Variants in TENM3 observed in about 807,000 individuals in gnomAD.
TENM3 encodes the protein teneurin-3.
In TENM3, 63 loss-of-function variants were observed where a neutral mutation model predicts 255.1. The ratio of observed to expected loss-of-function variants is 0.25; its 90% confidence interval spans 0.20 to 0.30. The LOEUF is 0.30. TENM3 is among the 10% of genes least tolerant of loss of function. The pLI, the probability that TENM3 is intolerant of heterozygous loss-of-function variation, is 1.00. For synonymous variants in TENM3, 1,306 were observed against 1,322.3 expected, an observed-to-expected ratio of 0.99 and a Z score of 0.27; for missense variants, 2,929 against 3,461.1, an observed-to-expected ratio of 0.85 and a Z score of 3.86.
intron 1 of TENM3, among the ~76,000 whole-genome samples, chr4:182,256,994 C>CA (rs1208205339): frequency 2.7e-5 from 4 of 150,772 alleles, no homozygotes; most frequent in Non-Finnish European, 4.4e-5. Context: ...GAATTGGTGT[C>CA]AAAAAAAAGG....
intron 6 of TENM3, among the ~76,000 whole-genome samples, chr4:182,657,486 C>T (rs538382496): frequency 6.6e-6 from 1 of 152,124 alleles, no homozygotes; most frequent in Non-Finnish European, 1.5e-5. Context: ...TGCGGGGGTC[C>T]TCTTGATCCC....
chr4:182,729,612 G>T (rs535951482), intron 14 of TENM3, among the ~76,000 whole-genome samples: 2 of 152,100 alleles, frequency 1.3e-5, no homozygotes, highest in Non-Finnish European at 2.9e-5. Context: ...TGTTTGACTG[G>T]TGCTTTGCAG....
chr4:182,614,114 G>T (rs766215878), intron 4 of TENM3, among the ~76,000 whole-genome samples: 2 of 152,076 alleles, frequency 1.3e-5, no homozygotes, highest in African/African-American at 2.4e-5. Flanking sequence ...AAAGTACATA[G>T]TTTACATTGT....
At chr4:182,662,362 GA>G (rs1225498586) in intron 6 of TENM3, among the ~76,000 whole-genome samples, 2 of 152,092 alleles carry the variant, frequency 1.3e-5, no homozygotes, top group Admixed American at 1.3e-4. Flanking sequence ...AGGACACGTT[GA>G]AAAAAACCTT....
At chr4:182,581,903 A>G (rs1366205530) in intron 3 of TENM3, among the ~76,000 whole-genome samples, 1 of 152,180 alleles carries the variant, frequency 6.6e-6, no homozygotes, top group Non-Finnish European at 1.5e-5. Flanking sequence ...AGATTTTTTT[A>G]ACCTCACATA....
chr4:182,161,400 A>T (rs1276812722), intron 1 of TENM3, among the ~76,000 whole-genome samples: 1 of 102,294 alleles, frequency 9.8e-6, no homozygotes, highest in Non-Finnish European at 1.9e-5. Context: ...TGGGCGACAG[A>T]GCGAGACTCC....
At chr4:181,464,327 T>C in the TENM3 span, among the ~76,000 whole-genome samples, 1 of 152,208 alleles carries the variant, frequency 6.6e-6, no homozygotes, top group Non-Finnish European at 1.5e-5. Flanking sequence ...TTGTCTGTCC[T>C]TTTTATTTTA....
chr4:182,585,510 C>G (rs1032990878), intron 3 of TENM3, among the ~76,000 whole-genome samples: 1 of 152,158 alleles, frequency 6.6e-6, no homozygotes, highest in Non-Finnish European at 1.5e-5. Context: ...TGCTCTCCTG[C>G]ATTGCTCCCC....
chr4:182,508,124 C>T (rs1737024897), intron 3 of TENM3, among the ~76,000 whole-genome samples: 2 of 152,160 alleles, frequency 1.3e-5, no homozygotes, highest in Non-Finnish European at 2.9e-5. Context: ...TAAATACTAC[C>T]TATCTTGTTG....
chr4:181,500,997 T>G, the TENM3 span, among the ~76,000 whole-genome samples: 2 of 152,174 alleles, frequency 1.3e-5, no homozygotes, highest in Non-Finnish European at 2.9e-5. Context: ...TTGTGGCTTT[T>G]ACCTGGGGGC....
chr4:181,950,925 C>G, the TENM3 span, among the ~76,000 whole-genome samples: 39 of 152,060 alleles, frequency 2.6e-4, no homozygotes, highest in African/African-American at 8.9e-4. Context: ...GCCTATGGTC[C>G]CAGCTACTCG....
intron 3 of TENM3, among the ~76,000 whole-genome samples, chr4:182,596,221 A>C (rs1747210031): frequency 6.6e-6 from 1 of 152,212 alleles, no homozygotes; most frequent in Admixed American, 6.5e-5. Flanking sequence ...CTTATAGTTA[A>C]AGGCAGTATG....
At chr4:181,520,873 T>C in the TENM3 span, among the ~76,000 whole-genome samples, 1 of 152,242 alleles carries the variant, frequency 6.6e-6, no homozygotes. Flanking sequence ...GAATTAATCA[T>C]GTGGCATAAA....
chr4:181,831,266 T>C, the TENM3 span, among the ~76,000 whole-genome samples: 1 of 152,124 alleles, frequency 6.6e-6, no homozygotes, highest in African/African-American at 2.4e-5. Context: ...TTGCAAAAAA[T>C]TTTGTTTTTG....
At chr4:182,007,461 C>T in the TENM3 span, among the ~76,000 whole-genome samples, 1 of 152,176 alleles carries the variant, frequency 6.6e-6, no homozygotes, top group African/African-American at 2.4e-5. Context: ...TTCATTGATC[C>T]CTTTACCATT....
At chr4:182,397,803 T>G (rs1426990342) in intron 3 of TENM3, among the ~76,000 whole-genome samples, 1 of 152,068 alleles carries the variant, frequency 6.6e-6, no homozygotes, top group Admixed American at 6.6e-5. Context: ...GGCTATGACT[T>G]GCGAAGTTGC....
chr4:182,153,364 G>A (rs1312448152), intron 1 of TENM3, among the ~76,000 whole-genome samples: 1 of 152,038 alleles, frequency 6.6e-6, no homozygotes, highest in East Asian at 1.9e-4. Flanking sequence ...TACATCTTTA[G>A]TCATACAGTG....
At chr4:182,617,966 A>G (rs1231719621) in intron 4 of TENM3, among the ~76,000 whole-genome samples, 1 of 152,202 alleles carries the variant, frequency 6.6e-6, no homozygotes, top group African/African-American at 2.4e-5. Flanking sequence ...AAAAGTTTCA[A>G]CAGTGCCTCA....
intron 1 of TENM3, among the ~76,000 whole-genome samples, chr4:182,266,777 C>CCT (rs1287898937): frequency 7.9e-5 from 12 of 152,038 alleles, no homozygotes; most frequent in Admixed American, 7.9e-4. Context: ...ATGGGAAACT[C>CCT]CTATCATTCT....
Sources: allele counts gnomAD v4.1 joint callset (sites outside exome capture counted in the v4.1 genomes callset), GRCh38; gene constraint gnomAD v4.1.1; transcripts MANE v1.5; gene names NCBI Gene and HGNC (gene_info 2026-07-23, HGNC 2026-07-21).